The following TMEM167A variants were observed in gnomAD, a reference collection of about 807,000 sequenced individuals.
The protein encoded by TMEM167A is protein kish-A.
TMEM167A carries 8 observed loss-of-function variants against 11.6 expected under a neutral mutation model. The ratio of observed to expected loss-of-function variants is 0.69; its 90% confidence interval spans 0.40 to 1.24. The LOEUF is 1.24. TMEM167A is among the 50% of genes most tolerant of loss of function. The pLI, the probability that TMEM167A is intolerant of heterozygous loss-of-function variation, is 0.01. For missense variants in TMEM167A, 62 were observed against 87.0 expected (o/e 0.71, Z 1.14); for synonymous variants, 22 against 28.0 (o/e 0.79, Z 0.67).
Position 83,061,853 on chromosome 5 carries a change from TGGAG to T in TMEM167A, c.148+20_148+23del. On this transcript the variant is annotated intron_variant, in intron 3 of 3. Transcript: ENST00000502346. ...GGTCAACAATTTACAGCTGAAGAAA[TGGAG>T]GGAGATTATAGACACTTACCAATTC... is the stretch of plus-strand genomic sequence containing the variant. 6.3e-7 allele frequency: 1 copy of T among 1,598,734 alleles called. No individual in the cohort carries two copies. The highest frequency in any genetic ancestry group is 8.6e-7 in the Non-Finnish European group (1 of 1,166,438).
intron 3 of TMEM167A, among the ~76,000 whole-genome samples, chr5:83,058,758 T>C (rs1744367656): frequency 6.6e-6 from 1 of 152,134 alleles, no homozygotes; most frequent in Non-Finnish European, 1.5e-5. Flanking sequence ...CATTTACATG[T>C]GGATTTAATT....
chr5:83,075,560 C>T (rs1744629976), intron 1 of TMEM167A, among the ~76,000 whole-genome samples: 3 of 152,088 alleles, frequency 2.0e-5, no homozygotes, highest in Non-Finnish European at 4.4e-5. Flanking sequence ...TCTTGGCCAA[C>T]ATGGTGAAAC....
chr5:83,054,427 AAG>A lies in TMEM167A; in HGVS notation c.*2655_*2656del, dbSNP rs1744300308. 1 of 152,014 alleles carries A rather than the reference AAG, an allele frequency of 6.6e-6. No homozygotes were observed. Among genetic ancestry groups the A allele is most frequent in the African/African-American group, 2.4e-5 (1 of 41,416 alleles). 9.4% of individuals were successfully genotyped at this position (152,014 alleles called of 1,614,324 possible). A position where few individuals can be genotyped will look rare whatever the true frequency, so the allele number is the denominator to read the frequency against. On this transcript the variant is annotated 3_prime_UTR_variant, in exon 4 of 4. Coordinates refer to ENST00000502346, the MANE Select transcript of TMEM167A (RefSeq NM_174909.5). ...AAAATACCAGGATAGATGGAATCAA[AAG>A]ACTCTGAAGCCAAAAGGAGGCTAGG...
chr5:83,068,817 T>C (rs1744520658), intron 1 of TMEM167A, among the ~76,000 whole-genome samples: 1 of 152,206 alleles, frequency 6.6e-6, no homozygotes, highest in Non-Finnish European at 1.5e-5. Flanking sequence ...CTTTGTAATG[T>C]GTTCTCTTTC....
chr5:83,064,978 T>C lies in TMEM167A; in HGVS notation c.113+30A>G, dbSNP rs751569898. On this transcript the variant is annotated intron_variant, in intron 2 of 3. Coordinates refer to ENST00000502346, the MANE Select transcript of TMEM167A (RefSeq NM_174909.5). ...ACATTGAACATTTGTAAGAACTAAT[T>C]TGGGTGATTAGACATCATTAGTAAC... is the stretch of plus-strand genomic sequence containing the variant. 6 of 1,257,086 alleles carry C rather than the reference T, an allele frequency of 4.8e-6. No homozygotes were observed. In the Admixed American group the frequency reaches 7.5e-5, roughly 16 times the overall value. The allele number at this position is 1,257,086 out of a possible 1,614,324, so 77.9% of individuals were successfully genotyped here. A position where few individuals can be genotyped will look rare whatever the true frequency, so the allele number is the denominator to read the frequency against.
rs1015953522 is a variant in TMEM167A, at chr5:83,072,733, T to C, written c.3+4588A>G. Among the ~76,000 whole-genome samples the C allele has an allele frequency of 2.6e-5, 4 of 152,178 alleles. No individual in the cohort carries two copies. In the South Asian group the frequency reaches 6.2e-4, roughly 24 times the overall value. ...TTTTAGTAGAAATGGGGTTTCACCA[T>C]GTTGGTCAGGCTAGTCTCGAATGCC... On this transcript the variant is annotated intron_variant, in intron 1 of 3. Coordinates refer to ENST00000502346, the MANE Select transcript of TMEM167A (RefSeq NM_174909.5).
In TMEM167A at chr5:83,056,200, CTG is replaced by C. The variant is rs779475296; in HGVS notation, c.*882_*883del. The C allele has an allele frequency of 6.6e-6, 1 of 151,876 alleles. No homozygotes were observed. Among genetic ancestry groups the C allele is most frequent in the Non-Finnish European group, 1.5e-5 (1 of 67,888 alleles). 9.4% of individuals were successfully genotyped at this position (151,876 alleles called of 1,614,324 possible). On this transcript the variant is annotated 3_prime_UTR_variant, in exon 4 of 4. Transcript: ENST00000502346. ...CAAAACACAAACTGGATTTAAAGTGCTGTGTTAAAAAACAAAACAAAAATACA... is the reference window on the plus strand; with the variant it reads ...CAAAACACAAACTGGATTTAAAGTGCTGTTAAAAAACAAAACAAAAATACA...
intron 2 of TMEM167A, among the ~76,000 whole-genome samples, chr5:83,064,548 G>A (rs1476801412): frequency 3.9e-5 from 6 of 152,058 alleles, no homozygotes; most frequent in Non-Finnish European, 7.4e-5. Context: ...GGGTACAGAA[G>A]GGAAAGATAC....
chr5:83,077,372 G>C lies in TMEM167A; in HGVS notation c.-49C>G, dbSNP rs1297017947. Reference sequence around the variant, plus strand: ...CACATCACCCTTCCGGGGCTCAGGCGGAAGAGGCTGCATGTCCCGTCTGCC... The same window carrying C: ...CACATCACCCTTCCGGGGCTCAGGCCGAAGAGGCTGCATGTCCCGTCTGCC... On this transcript the variant is annotated 5_prime_UTR_variant, in exon 1 of 4. Transcript: ENST00000502346. The C allele has an allele frequency of 6.8e-6, 11 of 1,614,062 alleles. No homozygotes were observed. Among genetic ancestry groups the C allele is most frequent in the East Asian group, 2.2e-5 (1 of 44,874 alleles).
At position 83,053,836 on chromosome 5, in the gene TMEM167A, T is replaced by C. The variant is rs1744292279; in HGVS notation, c.*3248A>G. 6.6e-6 allele frequency: 1 copy of C among 152,080 alleles called. No homozygotes were observed. Among genetic ancestry groups the C allele is most frequent in the Non-Finnish European group, 1.5e-5 (1 of 67,946 alleles). The allele number at this position is 152,080 out of a possible 1,614,324, so 9.4% of individuals were successfully genotyped here. On this transcript the variant is annotated 3_prime_UTR_variant, in exon 4 of 4. Coordinates refer to ENST00000502346, the MANE Select transcript of TMEM167A (RefSeq NM_174909.5). ...TCTTCTTTATTTTCTTCTAGAATCC[T>C]GGGATTATCTGAATAATAAATGCCA...
chr5:83,067,227 A>G (rs548343367), intron 1 of TMEM167A, among the ~76,000 whole-genome samples: 2 of 147,004 alleles, frequency 1.4e-5, no homozygotes, highest in East Asian at 1.9e-4. Flanking sequence ...TAAGGCAAGA[A>G]TAGCCAGGAG....
Position 83,053,250 on chromosome 5 carries a change from A to C in TMEM167A, c.*3834T>G, listed in dbSNP as rs374659319. The C allele has an allele frequency of 7.2e-5, 11 of 152,138 alleles. No homozygotes were observed. In the East Asian group the frequency reaches 2.1e-3, roughly 29 times the overall value. 9.4% of individuals were successfully genotyped at this position (152,138 alleles called of 1,614,324 possible). On this transcript the variant is annotated 3_prime_UTR_variant, in exon 4 of 4. Transcript: ENST00000502346. Reference sequence around the variant, plus strand: ...TCCAGTAACTTCTCAAAGGCTTTGCAAAAAGCGTAAGTCCTTGCTTTTTGA... The same window carrying C: ...TCCAGTAACTTCTCAAAGGCTTTGCCAAAAGCGTAAGTCCTTGCTTTTTGA...
intron 2 of TMEM167A, among the ~76,000 whole-genome samples, chr5:83,062,644 T>TA (rs1199970376): frequency 1.3e-5 from 2 of 151,860 alleles, no homozygotes; most frequent in African/African-American, 4.8e-5. Flanking sequence ...AAATCATCTT[T>TA]AAAAAAAGAC....
intron 3 of TMEM167A, among the ~76,000 whole-genome samples, chr5:83,058,715 C>T (rs772993106): frequency 1.3e-5 from 2 of 151,982 alleles, no homozygotes; most frequent in Non-Finnish European, 2.9e-5. Flanking sequence ...GAGGAAGTTC[C>T]CCTTTTCCTC....
intron 3 of TMEM167A, among the ~76,000 whole-genome samples, chr5:83,061,157 T>C (rs113240223): frequency 2.6e-3 from 397 of 152,308 alleles, no homozygotes; most frequent in African/African-American, 8.8e-3. Context: ...CATTCTGTTA[T>C]TTAAATAGGG....
chr5:83,059,166 C>CAAA lies in TMEM167A; in HGVS notation c.149-2015_149-2013dup, dbSNP rs369393831. Among the ~76,000 whole-genome samples the CAAA allele has an allele frequency of 5.0e-3, 594 of 118,364 alleles. 2 individuals are homozygous for CAAA. Among genetic ancestry groups the CAAA allele is most frequent in the African/African-American group, 0.016 (555 of 35,374 alleles). 77.7% of individuals were successfully genotyped at this position (118,364 alleles called of 152,430 possible). Reference sequence around the variant, plus strand: ...GAAAATGGAAATAATAAATAACAAGCAAAAAAAAAAAAAGGACACTAGACA... The same window carrying CAAA: ...GAAAATGGAAATAATAAATAACAAGCAAAAAAAAAAAAAAAAGGACACTAGACA... On this transcript the variant is annotated intron_variant, in intron 3 of 3. Coordinates refer to ENST00000502346, the MANE Select transcript of TMEM167A (RefSeq NM_174909.5).
chr5:83,077,122 G>T lies in TMEM167A; in HGVS notation c.3+199C>A, dbSNP rs562598525. On this transcript the variant is annotated intron_variant, in intron 1 of 3. Coordinates refer to ENST00000502346, the MANE Select transcript of TMEM167A (RefSeq NM_174909.5). ...AGTAGGAAAGCGGACTTTGCATGAG[G>T]GGCGGGCTGCCGACCCAGCAGTCTT... Among the ~76,000 whole-genome samples the T allele has an allele frequency of 2.6e-5, 4 of 152,302 alleles. No individual in the cohort carries two copies. In the East Asian group the frequency reaches 7.7e-4, roughly 29 times the overall value.
intron 3 of TMEM167A, among the ~76,000 whole-genome samples, chr5:83,057,751 GAA>G (rs1561300798): frequency 1.3e-5 from 2 of 152,062 alleles, no homozygotes; most frequent in East Asian, 3.8e-4. Flanking sequence ...TAGAAAAGTA[GAA>G]CTAAAACTAA....
At chr5:83,066,619 G>T (rs950797197) in intron 1 of TMEM167A, among the ~76,000 whole-genome samples, 1 of 152,126 alleles carries the variant, frequency 6.6e-6, no homozygotes, top group African/African-American at 2.4e-5. Context: ...AAAACATATG[G>T]AAGAACATAA....
Sources: allele counts gnomAD v4.1 joint callset (sites outside exome capture counted in the v4.1 genomes callset), GRCh38; gene constraint gnomAD v4.1.1; transcripts MANE v1.5; gene names NCBI Gene and HGNC (gene_info 2026-07-23, HGNC 2026-07-21).